Variants in CFAP221 observed in about 807,000 individuals in gnomAD.
CFAP221 encodes the protein cilia- and flagella-associated protein 221.
In CFAP221, 97 loss-of-function variants were observed where a neutral mutation model predicts 113.1. That is an observed-to-expected ratio of 0.86 (90% CI 0.73 to 1.02). CFAP221 has a LOEUF of 1.02. Ranked by LOEUF, CFAP221 falls within the 50% of genes least tolerant of loss-of-function variation. CFAP221 has a pLI of 0.00. For missense variants in CFAP221, 1,025 were observed against 1,013.4 expected (o/e 1.01, Z -0.16); for synonymous variants, 331 against 354.4 (o/e 0.93, Z 0.74).
At chr2:119,554,158 A>G (rs1005586471) in intron 3 of CFAP221, among the ~76,000 whole-genome samples, 2 of 152,224 alleles carry the variant, frequency 1.3e-5, no homozygotes, top group African/African-American at 2.4e-5. Context: ...AAATCCAACA[A>G]CTGCTTTTAT....
chr2:119,552,851 T>A (rs1428365557), intron 3 of CFAP221, among the ~76,000 whole-genome samples: 1 of 150,814 alleles, frequency 6.6e-6, no homozygotes, highest in Admixed American at 6.6e-5. Flanking sequence ...CTTTCTTTAA[T>A]AAGAAATAAA....
intron 3 of CFAP221, among the ~76,000 whole-genome samples, chr2:119,558,468 G>A (rs2104531124): frequency 6.6e-6 from 1 of 152,258 alleles, no homozygotes; most frequent in East Asian, 1.9e-4. Context: ...CCAAAACAGG[G>A]TCACAAAAAT....
intron 6 of CFAP221, among the ~76,000 whole-genome samples, chr2:119,579,019 A>G (rs1392507057): frequency 1.3e-5 from 2 of 152,176 alleles, no homozygotes; most frequent in Non-Finnish European, 1.5e-5. Flanking sequence ...AAATTTCCAC[A>G]TGATTGTAAT....
At position 119,630,844 on chromosome 2, in the gene CFAP221, C is replaced by T. The variant is rs748829029; in HGVS notation, c.1917C>T (p.Ser639=). The change falls in exon 19 of 24, where the codon AGC becomes AGT. Residue 639 remains serine (S), a synonymous_variant. Coordinates refer to ENST00000413369, the MANE Select transcript of CFAP221 (RefSeq NM_001271049.2). ...TCTCTGGCAAAACATCAGTCTTGAG[C>T]ATGAAACCACCTGAGGCCTTAGCCA... is the stretch of plus-strand genomic sequence containing the variant. ...TQLSGKTSVL[S]MKPPEALAMS... is the part of the protein sequence containing the mutation. The T allele has an allele frequency of 2.6e-4, 412 of 1,613,594 alleles. No homozygotes were observed. The highest frequency in any genetic ancestry group is 2.9e-4 in the Non-Finnish European group (340 of 1,179,592).
intron 12 of CFAP221, among the ~76,000 whole-genome samples, chr2:119,610,234 A>G (rs573158616): frequency 6.6e-6 from 1 of 152,296 alleles, no homozygotes; most frequent in Non-Finnish European, 1.5e-5. Context: ...CAGGCAGCCC[A>G]GACGCCCTGG....
chr2:119,559,980 CAG>C lies in CFAP221; in HGVS notation c.382_383del (p.Asp128Ter). 6.5e-7 allele frequency: 1 copy of C among 1,535,534 alleles called. No individual in the cohort carries two copies. The highest frequency in any genetic ancestry group is 8.7e-7 in the Non-Finnish European group (1 of 1,146,812). On this transcript the variant is annotated frameshift_variant, in exon 5 of 24. Transcript: ENST00000413369. LOFTEE classifies it high-confidence loss of function. Reference sequence around the variant, plus strand: ...CTCACGGTCACCGTTACATTTTCTCCAGATGAGTGGCGATACTATTATGACTG... The same window carrying C: ...CTCACGGTCACCGTTACATTTTCTCCATGAGTGGCGATACTATTATGACTG...
intron 3 of CFAP221, among the ~76,000 whole-genome samples, chr2:119,557,958 CAA>C (rs11286852): frequency 0.017 from 1,810 of 103,968 alleles, 11 homozygotes; most frequent in Non-Finnish European, 0.025. Context: ...GACTCCGTCT[CAA>C]AAAAAAAAAA....
chr2:119,635,225 C>T (rs928038962), intron 19 of CFAP221, among the ~76,000 whole-genome samples: 4 of 152,332 alleles, frequency 2.6e-5, no homozygotes, highest in Non-Finnish European at 5.9e-5. Flanking sequence ...AATGGTACAA[C>T]TACTTTGGAA....
At chr2:119,576,350 C>T in intron 6 of CFAP221, among the ~76,000 whole-genome samples, 1 of 152,194 alleles carries the variant, frequency 6.6e-6, no homozygotes, top group Non-Finnish European at 1.5e-5. Flanking sequence ...CCCTCTCCCT[C>T]CTCTCACCCT....
At chr2:119,581,907 A>G (rs1682874433) in intron 6 of CFAP221, among the ~76,000 whole-genome samples, 2 of 152,024 alleles carry the variant, frequency 1.3e-5, no homozygotes, top group African/African-American at 2.4e-5. Flanking sequence ...TCTATAAAAA[A>G]TAAATAAATA....
chr2:119,569,792 C>G (rs1276808082), intron 6 of CFAP221, among the ~76,000 whole-genome samples: 2 of 152,152 alleles, frequency 1.3e-5, no homozygotes, highest in African/African-American at 4.8e-5. Context: ...ATAAGCCTAT[C>G]AAAGGCATTC....
chr2:119,657,358 T>C (rs1688478739), downstream of CFAP221, among the ~76,000 whole-genome samples: 1 of 152,166 alleles, frequency 6.6e-6, no homozygotes, highest in Non-Finnish European at 1.5e-5. Context: ...TTTCCCCTCA[T>C]GCAAAGACAA....
At chr2:119,558,250 C>A (rs1265180998) in intron 3 of CFAP221, among the ~76,000 whole-genome samples, 1 of 152,086 alleles carries the variant, frequency 6.6e-6, no homozygotes, top group African/African-American at 2.4e-5. Flanking sequence ...CTCAGGCGGG[C>A]CCTGTCATCC....
chr2:119,626,994 G>C lies in CFAP221; in HGVS notation c.1517-659G>C, dbSNP rs906846065. On this transcript the variant is annotated intron_variant, in intron 15 of 23. Coordinates refer to ENST00000413369, the MANE Select transcript of CFAP221 (RefSeq NM_001271049.2). ...CCCAGCTTGGCTGGGACTGTTGGAG[G>C]CCCACTCTCGGTAGCTTCTGGGAGC... 1.9e-4 allele frequency among the ~76,000 whole-genome samples: 28 copies of C among 151,082 alleles called. 1 individual carries two copies. Among genetic ancestry groups the C allele is most frequent in the Non-Finnish European group, 1.5e-5 (1 of 67,874 alleles).
downstream of CFAP221, among the ~76,000 whole-genome samples, chr2:119,657,807 G>T (rs959397192): frequency 6.6e-6 from 1 of 152,132 alleles, no homozygotes. Flanking sequence ...CCTTCAGAGT[G>T]TGTGTGTGTC....
rs1680041307 is a variant in CFAP221 at position 119,546,236 on chromosome 2, A to G, written c.105A>G (p.Lys35=). The change falls in exon 2 of 24, where the codon AAA becomes AAG. Residue 35 remains lysine, a synonymous_variant. Coordinates refer to ENST00000413369, the MANE Select transcript of CFAP221 (RefSeq NM_001271049.2). ...AGAACCTAGTGGAGGAGCCGAAAAA[A>G]AGAAAAGAAGTACCTAATCACCTCC... is the stretch of plus-strand genomic sequence containing the variant. The part of the protein sequence containing the change: ...LLKNLVEEPK[K]RKEVPNHLLE... 2 of 1,535,898 alleles carry G rather than the reference A, an allele frequency of 1.3e-6. No individual in the cohort carries two copies. Among genetic ancestry groups the G allele is most frequent in the Non-Finnish European group, 1.7e-6 (2 of 1,146,794 alleles).
rs1386115538 is a variant in CFAP221 at position 119,655,984 on chromosome 2, A to G, written c.2415-378A>G. On this transcript the variant is annotated intron_variant, in intron 23 of 23. Coordinates refer to ENST00000413369, the MANE Select transcript of CFAP221 (RefSeq NM_001271049.2). The stretch of plus-strand genomic sequence containing the variant: ...TGTATCTACCTCATTCATAAAGATG[A>G]AAAACCAGCCAGCATTGACTGAGCA... The G allele has an allele frequency of 1.8e-5, 4 of 217,900 alleles. No individual in the cohort carries two copies. In the South Asian group the frequency reaches 2.3e-4, roughly 12 times the overall value. The allele number at this position is 217,900 out of a possible 1,614,324, so 13.5% of individuals were successfully genotyped here.
Position 119,560,045 on chromosome 2 carries a change from CTTTTTTTTT to C in CFAP221, c.426+31_426+39del. The C allele has an allele frequency of 3.4e-6, 3 of 875,462 alleles. No individual in the cohort carries two copies. Among genetic ancestry groups the C allele is most frequent in the Non-Finnish European group, 4.8e-6 (3 of 619,942 alleles). The allele number at this position is 875,462 out of a possible 1,614,324, so 54.2% of individuals were successfully genotyped here. On this transcript the variant is annotated intron_variant, in intron 5 of 23. Transcript: ENST00000413369. The stretch of plus-strand genomic sequence containing the variant: ...CTGTAAGGTAGGTCTCTTAAAATTG[CTTTTTTTTT>C]TTTTTTTTTTTGATGGTGGGTTAAA...
intron 16 of CFAP221, among the ~76,000 whole-genome samples, chr2:119,629,187 G>T (rs1257420668): frequency 3.9e-5 from 6 of 152,282 alleles, no homozygotes; most frequent in Non-Finnish European, 7.4e-5. Context: ...TATTAGATTA[G>T]GGGTTGTATG....
Sources: gnomAD v4.1 joint callset for allele counts (sites outside exome capture counted in the v4.1 genomes callset) on GRCh38, gnomAD v4.1.1 for gene constraint, MANE v1.5 for transcripts, NCBI Gene and HGNC (gene_info 2026-07-23, HGNC 2026-07-21) for gene names.